Variants in ADCY7 observed in about 807,000 individuals in gnomAD.
The protein encoded by ADCY7 is adenylate cyclase 7.
A neutral mutation model predicts 120.6 loss-of-function variants in ADCY7; 72 were observed. The observed-to-expected ratio is 0.60, with a 90% CI of 0.49 to 0.73. The LOEUF (loss-of-function observed/expected upper bound fraction) is 0.73. ADCY7 is among the 30% of genes least tolerant of loss of function. ADCY7 has a pLI of 0.00. For missense variants in ADCY7, 1,227 were observed against 1,486.0 expected, an observed-to-expected ratio of 0.83 and a Z score of 2.87; for synonymous variants, 661 against 628.0, an observed-to-expected ratio of 1.05 and a Z score of -0.78.
chr16:50,269,066 A>G (rs748049155), intron 1 of ADCY7, among the ~76,000 whole-genome samples: 2 of 152,160 alleles, frequency 1.3e-5, no homozygotes, highest in Non-Finnish European at 2.9e-5. Flanking sequence ...TTCAAAAGAG[A>G]CAAAAGTCCG....
Position 50,288,095 on chromosome 16 carries a change from G to C in ADCY7, c.-85G>C, listed in dbSNP as rs548963798. The C allele has an allele frequency of 5.5e-6, 8 of 1,448,548 alleles. No homozygotes were observed. In the Admixed American group the frequency reaches 1.7e-4, roughly 31 times the overall value. 89.7% of individuals were successfully genotyped at this position (1,448,548 alleles called of 1,614,324 possible). Reference sequence around the variant, plus strand: ...GAGAGGACAGAGGCCTAGGCCCACGGGGGAGGGTGTTGGCAGACAGATGCC... The same window carrying C: ...GAGAGGACAGAGGCCTAGGCCCACGCGGGAGGGTGTTGGCAGACAGATGCC... On this transcript the variant is annotated 5_prime_UTR_variant, in exon 2 of 26. Coordinates refer to ENST00000673801, the MANE Select transcript of ADCY7 (RefSeq NM_001114.5).
At chr16:50,312,805 A>G in intron 21 of ADCY7, 85 bp from the exon 22 acceptor site, 1 of 1,308,784 alleles carries the variant, frequency 7.6e-7, no homozygotes, top group Non-Finnish European at 1.0e-6. Context: ...GCAGTTCAGC[A>G]GTGCCATCTG....
chr16:50,278,870 CTCTCTTTTT>C (rs2034072008), intron 1 of ADCY7, among the ~76,000 whole-genome samples: 1 of 117,916 alleles, frequency 8.5e-6, no homozygotes, highest in Admixed American at 8.1e-5. Flanking sequence ...CTCTCTCTCT[CTCTCTTTTT>C]TTTTTTTTTT....
chr16:50,276,879 C>G (rs1029048619), intron 1 of ADCY7, among the ~76,000 whole-genome samples: 35 of 152,184 alleles, frequency 2.3e-4, no homozygotes, highest in African/African-American at 8.2e-4. Flanking sequence ...CAGGCATGAG[C>G]CAATGTACCT....
Position 50,313,012 on chromosome 16 carries a change from T to C in ADCY7, c.2727T>C (p.Asn909=). 1 of 1,595,606 alleles carries C rather than the reference T, an allele frequency of 6.3e-7. No individual in the cohort carries two copies. Among genetic ancestry groups the C allele is most frequent in the Non-Finnish European group, 8.6e-7 (1 of 1,163,782 alleles). ...KEGLECLRLL[N]EIIADFDELL... is the part of the protein sequence containing the mutation. ...GGCTGGAGTGCCTACGCCTGCTCAA[T>C]GAGATCATTGCCGACTTCGACGAGG... The change falls in exon 22 of 26, where the codon AAT becomes AAC. Residue 909 remains asparagine (N), a synonymous_variant. Transcript: ENST00000673801.
upstream of ADCY7, among the ~76,000 whole-genome samples, chr16:50,264,118 T>C (rs1025610913): frequency 6.6e-6 from 1 of 152,190 alleles, no homozygotes; most frequent in Non-Finnish European, 1.5e-5. Context: ...GTTTCCTGTG[T>C]GCCCCTTTCC....
chr16:50,288,792 T>TAGACTGGTAGAAG (rs1363044154), intron 2 of ADCY7, among the ~76,000 whole-genome samples: 4 of 152,190 alleles, frequency 2.6e-5, no homozygotes, highest in Non-Finnish European at 5.9e-5. Context: ...CTCTGTCTTT[T>TAGACTGGTAGAAG]ACAGCACATT....
intron 1 of ADCY7, among the ~76,000 whole-genome samples, chr16:50,259,665 G>A (rs559503122): frequency 6.6e-6 from 1 of 152,284 alleles, no homozygotes; most frequent in African/African-American, 2.4e-5. Flanking sequence ...TGTGGCATTG[G>A]AACTCAGCCA....
At position 50,290,627 on chromosome 16, in the gene ADCY7, C is replaced by G; in HGVS notation, c.342C>G (p.Asp114Glu). The G allele has an allele frequency of 6.2e-7, 1 of 1,614,042 alleles. No individual in the cohort carries two copies. Among genetic ancestry groups the G allele is most frequent in the Non-Finnish European group, 8.5e-7 (1 of 1,179,966 alleles). The change falls in exon 3 of 26, where the codon GAC (aspartate) becomes GAG (glutamate). Residue 114 changes from aspartate to glutamate, a missense_variant. By Grantham distance (45) the Asp-to-Glu change is conservative. Coordinates refer to ENST00000673801, the MANE Select transcript of ADCY7 (RefSeq NM_001114.5). ...CGCTGGGCTATGTGCTGGTGTTCGA[C>G]GCATGGACAAAGGCGGCCTGTGCGT... ...LVALGYVLVF[D>E]AWTKAACAWE...
chr16:50,304,632 C>T, intron 11 of ADCY7, 81 bp downstream of exon 11: 2 of 1,362,760 alleles, frequency 1.5e-6, no homozygotes, highest in Non-Finnish European at 2.0e-6. Context: ...AGATCTCCTG[C>T]CCTCTCAGCC....
intron 17 of ADCY7, 150 bp from the exon 18 acceptor site, chr16:50,309,398 C>T: frequency 1.6e-6 from 1 of 621,192 alleles, no homozygotes; most frequent in East Asian, 2.9e-5. Context: ...GGGGAGTCGG[C>T]ACGGCGGCTT....
chr16:50,317,434 T>TAA lies in ADCY7; in HGVS notation c.*1930_*1931dup, dbSNP rs747048761. On this transcript the variant is annotated 3_prime_UTR_variant, in exon 26 of 26. Transcript: ENST00000673801. ...GTCAGGAAGGTTTCTGTTGCTAATA[T>TAA]AACATAGAAACACATTAGTGCACTG... The TAA allele has an allele frequency of 6.6e-6, 1 of 150,778 alleles. No individual in the cohort carries two copies. Among genetic ancestry groups the TAA allele is most frequent in the African/African-American group, 2.5e-5 (1 of 39,940 alleles). The allele number at this position is 150,778 out of a possible 1,614,324, so 9.3% of individuals were successfully genotyped here.
intron 25 of ADCY7, 91 bp downstream of exon 25, chr16:50,315,229 AG>A: frequency 6.3e-7 from 1 of 1,577,258 alleles, no homozygotes; most frequent in South Asian, 1.2e-5. Context: ...TGTCTCACCC[AG>A]CAGCCATGGT....
chr16:50,298,667 C>A (rs1266938420), intron 7 of ADCY7, among the ~76,000 whole-genome samples: 1 of 152,224 alleles, frequency 6.6e-6, no homozygotes, highest in Non-Finnish European at 1.5e-5. Context: ...CTCCCCGAGG[C>A]CCTTAGGAAC....
chr16:50,311,559 T>C (rs1034193191), intron 19 of ADCY7, 134 bp from the exon 20 acceptor site: 3 of 701,108 alleles, frequency 4.3e-6, no homozygotes, highest in Non-Finnish European at 7.8e-6. Flanking sequence ...ACCCCAAAGT[T>C]GTCTTGTTTT....
chr16:50,267,992 G>A (rs953288382), intron 1 of ADCY7, among the ~76,000 whole-genome samples: 2 of 152,176 alleles, frequency 1.3e-5, no homozygotes, highest in African/African-American at 4.8e-5. Flanking sequence ...AGAGTGTGGG[G>A]GAGGGGAGGC....
Position 50,310,707 on chromosome 16 carries a change from C to G in ADCY7, c.2181C>G (p.Val727=). The G allele has an allele frequency of 1.1e-5, 17 of 1,613,994 alleles. No homozygotes were observed. Among genetic ancestry groups the G allele is most frequent in the Non-Finnish European group, 1.4e-5 (17 of 1,179,964 alleles). ...CTCAGTACTACACCTGCAGCTGTGT[C>G]CTGGGCTTCATCGCCTGCTCGGTCT... ...EPLPYYTCSC[V]LGFIACSVFL... The change falls in exon 19 of 26, where the codon GTC becomes GTG. Residue 727 remains valine (V), a synonymous_variant. Coordinates refer to ENST00000673801, the MANE Select transcript of ADCY7 (RefSeq NM_001114.5).
Position 50,300,800 on chromosome 16 carries a change from C to T in ADCY7, c.1162C>T (p.Arg388Cys). Reference protein sequence around the residue: ...GNVLCGVIGLRKWQYDVWSHD... With the variant: ...GNVLCGVIGLCKWQYDVWSHD... ...TGTGCTGTGCGGGGTCATCGGGCTG[C>T]GCAAGTGGCAGTATGACGTGTGGTC... Residue 388 changes from arginine (R) to cysteine (C), a missense_variant, in exon 9 of 26, where the codon CGC becomes TGC. Coordinates refer to ENST00000673801, the MANE Select transcript of ADCY7 (RefSeq NM_001114.5). The T allele has an allele frequency of 1.9e-6, 3 of 1,555,558 alleles. No homozygotes were observed. The highest frequency in any genetic ancestry group is 2.6e-6 in the Non-Finnish European group (3 of 1,149,266).
intron 1 of ADCY7, among the ~76,000 whole-genome samples, chr16:50,269,628 G>A (rs896999056): frequency 2.6e-5 from 4 of 152,180 alleles, no homozygotes; most frequent in South Asian, 4.1e-4. Context: ...GGTCACAGAG[G>A]TGGCTGGGTG....
Sources: gnomAD v4.1 joint callset for allele counts (sites outside exome capture counted in the v4.1 genomes callset) on GRCh38, gnomAD v4.1.1 for gene constraint, MANE v1.5 for transcripts, NCBI Gene and HGNC (gene_info 2026-07-23, HGNC 2026-07-21) for gene names.